Variants in SLCO5A1 observed in about 807,000 individuals in gnomAD.
SLCO5A1 encodes solute carrier organic anion transporter family member 5A1.
A neutral mutation model predicts 65.1 loss-of-function variants in SLCO5A1; 39 were observed. That is an observed-to-expected ratio of 0.60 (90% CI 0.46 to 0.78). The LOEUF is 0.78. SLCO5A1 is among the 30% of genes least tolerant of loss of function. SLCO5A1 has a pLI of 0.00. For synonymous variants in SLCO5A1, 438 were observed against 415.7 expected (o/e 1.05, Z -0.65); for missense variants, 1,029 against 1,069.4 (o/e 0.96, Z 0.53).
At position 69,672,724 on chromosome 8, in the gene SLCO5A1, G is replaced by A. The variant is rs1001817364; in HGVS notation, c.*145C>T. 1.4e-5 allele frequency: 12 copies of A among 836,746 alleles called. No homozygotes were observed. The African/African-American group carries it at 1.9e-4, about 13-fold the overall frequency. The allele number at this position is 836,746 out of a possible 1,614,324, so 51.8% of individuals were successfully genotyped here. A position where few individuals can be genotyped will look rare whatever the true frequency, so the allele number is the denominator to read the frequency against. On this transcript the variant is annotated 3_prime_UTR_variant, in exon 10 of 10. Coordinates refer to ENST00000260126, the MANE Select transcript of SLCO5A1 (RefSeq NM_030958.3). ...TGAGGTATCCAGCCCTCAATGAATA[G>A]CGGCTGTGTATACTGAGTTTTGTTG...
At chr8:69,779,826 G>T (rs1818722556) in intron 2 of SLCO5A1, among the ~76,000 whole-genome samples, 1 of 152,072 alleles carries the variant, frequency 6.6e-6, no homozygotes, top group Admixed American at 6.6e-5. Flanking sequence ...AAACTAAAAA[G>T]CTTCTGTACA....
At chr8:69,778,539 T>G (rs796799400) in intron 2 of SLCO5A1, among the ~76,000 whole-genome samples, 9 of 151,916 alleles carry the variant, frequency 5.9e-5, no homozygotes, top group African/African-American at 2.2e-4. Flanking sequence ...GAAATTACAA[T>G]GTGGGATTTT....
rs565160694 is a variant in SLCO5A1 at position 69,770,696 on chromosome 8, G to A, written c.908-8821C>T. 8.5e-5 allele frequency among the ~76,000 whole-genome samples: 13 copies of A among 152,100 alleles called. No homozygotes were observed. In the East Asian group the frequency reaches 1.9e-3, roughly 23 times the overall value. On this transcript the variant is annotated intron_variant, in intron 2 of 9. Coordinates refer to ENST00000260126, the MANE Select transcript of SLCO5A1 (RefSeq NM_030958.3). ...CTTGGACATCACAGCTGCCTCAGCC[G>A]AGAGGTGGCTCTCAAGAAGCCTGGC... is the stretch of plus-strand genomic sequence containing the variant.
At chr8:69,793,501 C>T (rs1020681277) in intron 2 of SLCO5A1, among the ~76,000 whole-genome samples, 3 of 152,040 alleles carry the variant, frequency 2.0e-5, no homozygotes, top group Non-Finnish European at 4.4e-5. Flanking sequence ...TGGTGGCTCA[C>T]GCCTGTTATC....
intron 2 of SLCO5A1, among the ~76,000 whole-genome samples, chr8:69,762,771 C>T (rs1398309005): frequency 6.6e-6 from 1 of 152,134 alleles, no homozygotes; most frequent in Non-Finnish European, 1.5e-5. Flanking sequence ...TTTTTTCAAA[C>T]CACCATGTTA....
chr8:69,676,020 C>T lies in SLCO5A1; in HGVS notation c.2089+589G>A, dbSNP rs112464856. On this transcript the variant is annotated intron_variant, in intron 9 of 9. Coordinates refer to ENST00000260126, the MANE Select transcript of SLCO5A1 (RefSeq NM_030958.3). ...GTAAAAATAAGACCTATGTTCCACC[C>T]GTACAAATGTACTCTGTGGTTTATC... Among the ~76,000 whole-genome samples the T allele has an allele frequency of 4.9e-3, 746 of 152,292 alleles. 8 individuals carry two copies. The highest frequency in any genetic ancestry group is 0.016 in the African/African-American group (680 of 41,562).
chr8:69,797,310 G>A (rs1819545288), intron 2 of SLCO5A1, among the ~76,000 whole-genome samples: 1 of 152,168 alleles, frequency 6.6e-6, no homozygotes, highest in Admixed American at 6.5e-5. Context: ...ATCTTCGTAA[G>A]CTGAGGAGGA....
intron 4 of SLCO5A1, among the ~76,000 whole-genome samples, chr8:69,743,523 A>G (rs1300834758): frequency 6.6e-6 from 1 of 152,194 alleles, no homozygotes; most frequent in Non-Finnish European, 1.5e-5. Context: ...AGCAAAGCTT[A>G]AACAAGCACC....
chr8:69,679,649 T>C (rs1422724331), intron 7 of SLCO5A1, 30 bp from the exon 8 acceptor site: 1 of 1,606,750 alleles, frequency 6.2e-7, no homozygotes, highest in African/African-American at 1.3e-5. Context: ...ATGAGTTGTG[T>C]GCCCCTCAAA....
Position 69,832,340 on chromosome 8 carries a change from C to T in SLCO5A1, c.334G>A (p.Ala112Thr), listed in dbSNP as rs1460097098. The change falls in exon 2 of 10, where the codon GCC (alanine) becomes ACC (threonine). Residue 112 changes from alanine (A) to threonine (T), a missense_variant. Coordinates refer to ENST00000260126, the MANE Select transcript of SLCO5A1 (RefSeq NM_030958.3). This position sits in a 1 kb window ranked among gnomAD's most constrained non-coding sequence, Gnocchi z 4.5. ...SKTFSVSSAL[A>T]MLQERRCLYV... is the part of the protein sequence containing the mutation. ...AGGCACCTTCTCTCCTGGAGCATGG[C>T]CAAGGCGGAGGACACCGAGAAGGTT... 1.2e-5 allele frequency: 20 copies of T among 1,614,070 alleles called. No homozygotes were observed. The highest frequency in any genetic ancestry group is 1.7e-5 in the Non-Finnish European group (20 of 1,179,986).
At chr8:69,713,755 AT>A (rs1039563478) in intron 5 of SLCO5A1, 1 of 152,240 alleles carries the variant, frequency 6.6e-6, no homozygotes, top group Non-Finnish European at 1.5e-5. Context: ...GGAATACAGC[AT>A]TCTCTCCACA....
chr8:69,764,465 C>T (rs1323157995), intron 2 of SLCO5A1, among the ~76,000 whole-genome samples: 1 of 152,092 alleles, frequency 6.6e-6, no homozygotes, highest in African/African-American at 2.4e-5. Context: ...AGAGAAAGCA[C>T]AGTGTTTATT....
chr8:69,687,410 A>G (rs1472329589), intron 6 of SLCO5A1, among the ~76,000 whole-genome samples: 8 of 152,200 alleles, frequency 5.3e-5, no homozygotes, highest in Non-Finnish European at 1.0e-4. Flanking sequence ...TGTTATTTTT[A>G]TCATTAAAGC....
At chr8:69,825,254 C>T (rs576680252) in intron 2 of SLCO5A1, among the ~76,000 whole-genome samples, 16 of 152,142 alleles carry the variant, frequency 1.1e-4, no homozygotes, top group Non-Finnish European at 1.8e-4. Context: ...TCCTATTCAA[C>T]ATAGTGTTGG....
intron 5 of SLCO5A1, among the ~76,000 whole-genome samples, chr8:69,718,516 G>A (rs1315075282): frequency 6.6e-6 from 1 of 152,132 alleles, no homozygotes; most frequent in Admixed American, 6.5e-5. Context: ...TATGATGTTA[G>A]CTGTGGGTTT....
At chr8:69,780,388 A>T (rs1356568722) in intron 2 of SLCO5A1, among the ~76,000 whole-genome samples, 2 of 152,254 alleles carry the variant, frequency 1.3e-5, no homozygotes, top group African/African-American at 4.8e-5. Flanking sequence ...AATAGCAAAG[A>T]TACGGAATCA....
At chr8:69,753,566 T>A (rs1332742528) in intron 4 of SLCO5A1, among the ~76,000 whole-genome samples, 1 of 152,242 alleles carries the variant, frequency 6.6e-6, no homozygotes, top group Non-Finnish European at 1.5e-5. Context: ...TGGTATTTGA[T>A]ATCAATCTTC....
At chr8:69,773,325 C>G (rs532781672) in intron 2 of SLCO5A1, among the ~76,000 whole-genome samples, 99 of 152,302 alleles carry the variant, frequency 6.5e-4, no homozygotes, top group African/African-American at 2.2e-3. Flanking sequence ...TCCCAGATGG[C>G]AGTAGAAGAA....
intron 6 of SLCO5A1, among the ~76,000 whole-genome samples, chr8:69,683,769 G>T (rs1586679255): frequency 6.6e-6 from 1 of 152,038 alleles, no homozygotes; most frequent in Non-Finnish European, 1.5e-5. Context: ...CACCATGTTG[G>T]CCAGGCTGGT....
Sources: gnomAD v4.1 joint callset for allele counts (sites outside exome capture counted in the v4.1 genomes callset) on GRCh38, gnomAD v4.1.1 for gene constraint, Gnocchi (gnomAD v3.1) non-coding constraint, MANE v1.5 for transcripts, NCBI Gene and HGNC (gene_info 2026-07-23, HGNC 2026-07-21) for gene names.